The following PTPRD variants were observed in gnomAD, a reference collection of about 807,000 sequenced individuals.
PTPRD encodes the protein protein tyrosine phosphatase receptor type D.
In PTPRD, 34 loss-of-function variants were observed where a neutral mutation model predicts 214.5. The ratio of observed to expected loss-of-function variants is 0.16; its 90% CI spans 0.12 to 0.21. The LOEUF (loss-of-function observed/expected upper bound fraction) is 0.21. PTPRD is among the 10% of genes least tolerant of loss of function. The pLI, the probability that PTPRD is intolerant of heterozygous loss-of-function variation, is 1.00. For missense variants in PTPRD, 2,545 were observed against 2,398.7 expected, an observed-to-expected ratio of 1.06 and a Z score of -1.27; for synonymous variants, 1,128 against 845.7, an observed-to-expected ratio of 1.33 and a Z score of -5.79.
At chr9:10,071,136 GAT>G (rs2098004294) in intron 3 of PTPRD, among the ~76,000 whole-genome samples, 1 of 152,000 alleles carries the variant, frequency 6.6e-6, no homozygotes, top group African/African-American at 2.4e-5. Context: ...CATGGAGAGA[GAT>G]TTCATGATTA....
chr9:10,259,262 G>A (rs948149239), intron 3 of PTPRD, among the ~76,000 whole-genome samples: 1 of 152,118 alleles, frequency 6.6e-6, no homozygotes, highest in Non-Finnish European at 1.5e-5. Context: ...CTGACCTCGT[G>A]ATCAGCCCGC....
At chr9:10,145,254 T>C (rs549640383) in intron 3 of PTPRD, among the ~76,000 whole-genome samples, 18 of 152,054 alleles carry the variant, frequency 1.2e-4, no homozygotes, top group Admixed American at 5.3e-4. Context: ...CAGATTAAAA[T>C]GAATGCTTGC....
intron 14 of PTPRD, among the ~76,000 whole-genome samples, chr9:8,621,902 G>C (rs1351313663): frequency 6.6e-6 from 1 of 151,790 alleles, no homozygotes; most frequent in African/African-American, 2.4e-5. Context: ...TTCCTGTTTT[G>C]GAGTACAGTA....
chr9:8,527,273 T>A (rs1004829395), intron 16 of PTPRD, 72 bp downstream of exon 16: 2 of 1,468,226 alleles, frequency 1.4e-6, no homozygotes, highest in Admixed American at 1.8e-5. Flanking sequence ...ATGCATTTTA[T>A]TAATAATAAT....
chr9:9,378,380 G>A (rs762153470), intron 9 of PTPRD, among the ~76,000 whole-genome samples: 11 of 152,062 alleles, frequency 7.2e-5, no homozygotes, highest in Non-Finnish European at 1.3e-4. Context: ...TTAGCAGTGA[G>A]TATTCCATTG....
intron 7 of PTPRD, among the ~76,000 whole-genome samples, chr9:9,670,298 A>G (rs2096802459): frequency 6.6e-6 from 1 of 152,148 alleles, no homozygotes; most frequent in Non-Finnish European, 1.5e-5. Flanking sequence ...TGGCAGAAGT[A>G]ATTTCCAAGC....
chr9:8,389,372 T>C lies in PTPRD; in HGVS notation c.4246A>G (p.Ile1416Val), dbSNP rs772975212. Residue 1416 changes from isoleucine (I) to valine (V), a missense_variant, in exon 37 of 46, where the codon ATA becomes GTA. By Grantham distance (29) the Ile-to-Val change is conservative. Transcript: ENST00000381196. ...PGSDYVNANY[I>V]DGYRKQNAYI... ...GCATTTTGCTTCCTATACCCATCTA[T>C]GTAGTTGGCATTCACATAGTCACTT... The C allele has an allele frequency of 6.2e-6, 10 of 1,611,152 alleles. No individual in the cohort carries two copies. The Admixed American group carries it at 1.2e-4, about 19-fold the overall frequency.
intron 12 of PTPRD, among the ~76,000 whole-genome samples, chr9:8,723,292 T>C (rs1461515750): frequency 1.3e-5 from 2 of 152,190 alleles, no homozygotes; most frequent in Non-Finnish European, 2.9e-5. Flanking sequence ...TCAAGTGTTG[T>C]ATCTCACTCA....
chr9:9,605,245 A>T (rs1048457756), intron 7 of PTPRD, among the ~76,000 whole-genome samples: 1 of 152,076 alleles, frequency 6.6e-6, no homozygotes, highest in Admixed American at 6.6e-5. Context: ...TTAGAAAACG[A>T]TTCAGTGTAC....
intron 8 of PTPRD, among the ~76,000 whole-genome samples, chr9:9,507,585 T>A (rs2096600450): frequency 6.6e-6 from 1 of 151,316 alleles, no homozygotes. Context: ...GGAAGAAAAA[T>A]TATGAATGTT....
At chr9:9,064,083 T>C (rs2099717307) in intron 10 of PTPRD, among the ~76,000 whole-genome samples, 1 of 152,164 alleles carries the variant, frequency 6.6e-6, no homozygotes, top group African/African-American at 2.4e-5. Context: ...GCTAATAATA[T>C]ACCATAATAT....
intron 11 of PTPRD, among the ~76,000 whole-genome samples, chr9:8,929,007 G>T (rs1322163853): frequency 6.6e-6 from 1 of 152,130 alleles, no homozygotes; most frequent in Non-Finnish European, 1.5e-5. Flanking sequence ...TTGGTGTATA[G>T]GAATGCCTGT....
chr9:8,739,198 C>T (rs572596941), intron 11 of PTPRD, among the ~76,000 whole-genome samples: 1 of 152,180 alleles, frequency 6.6e-6, no homozygotes, highest in African/African-American at 2.4e-5. Flanking sequence ...GGGGGCACCC[C>T]AGGAATTCCC....
At chr9:9,515,034 A>C (rs989320054) in intron 8 of PTPRD, among the ~76,000 whole-genome samples, 2 of 152,094 alleles carry the variant, frequency 1.3e-5, no homozygotes, top group African/African-American at 4.8e-5. Context: ...CTGCTTTAAT[A>C]CTACATTTAT....
At chr9:9,055,714 A>G (rs1224761887) in intron 10 of PTPRD, among the ~76,000 whole-genome samples, 1 of 151,340 alleles carries the variant, frequency 6.6e-6, no homozygotes, top group African/African-American at 2.4e-5. Flanking sequence ...ACACATAAAT[A>G]TTTTATATAT....
chr9:10,072,366 C>T (rs925168215), intron 3 of PTPRD, among the ~76,000 whole-genome samples: 2 of 152,018 alleles, frequency 1.3e-5, no homozygotes, highest in Non-Finnish European at 2.9e-5. Flanking sequence ...AGAGTTGGTT[C>T]CTTCCAGTGG....
chr9:10,475,572 C>G (rs137868832), intron 2 of PTPRD, among the ~76,000 whole-genome samples: 272 of 152,184 alleles, frequency 1.8e-3, no homozygotes, highest in African/African-American at 5.8e-3. Flanking sequence ...GGAGCTGGTA[C>G]CATTACTTCT....
intron 2 of PTPRD, among the ~76,000 whole-genome samples, chr9:10,372,689 G>C (rs566605125): frequency 6.6e-6 from 1 of 151,964 alleles, no homozygotes; most frequent in African/African-American, 2.4e-5. Flanking sequence ...TTACAAAATG[G>C]ATAACTTGTA....
chr9:8,936,809 A>T (rs2099001039), intron 11 of PTPRD, among the ~76,000 whole-genome samples: 3 of 152,228 alleles, frequency 2.0e-5, no homozygotes, highest in Admixed American at 2.0e-4. Flanking sequence ...ATAAAGGTTT[A>T]TATGGTGAAC....
Sources: gnomAD v4.1 joint callset for allele counts (sites outside exome capture counted in the v4.1 genomes callset) on GRCh38, gnomAD v4.1.1 for gene constraint, MANE v1.5 for transcripts, NCBI Gene and HGNC (gene_info 2026-07-23, HGNC 2026-07-21) for gene names.